The following REEP5 variants were observed in gnomAD, a reference collection of about 807,000 sequenced individuals.
REEP5 encodes receptor accessory protein 5.
REEP5 carries 24 observed loss-of-function variants against 22.4 expected under a neutral mutation model. The ratio of observed to expected loss-of-function variants is 1.07; its 90% CI spans 0.78 to 1.51. REEP5 has a LOEUF of 1.51. REEP5 is among the 40% of genes most tolerant of loss of function. The probability of loss-of-function intolerance (pLI) is 0.00; values close to 1 mark genes in which losing one functional copy is unlikely to be tolerated. For synonymous variants in REEP5, 103 were observed against 88.6 expected, an observed-to-expected ratio of 1.16 and a Z score of -0.92; for missense variants, 252 against 233.0, an observed-to-expected ratio of 1.08 and a Z score of -0.53.
At chr5:112,892,866 G>C (rs1354030693) in intron 3 of REEP5, 2 of 1,613,190 alleles carry the variant, frequency 1.2e-6, no homozygotes, top group Admixed American at 1.7e-5. Flanking sequence ...GTCATAGGGG[G>C]AAGAAATCTC....
intron 2 of REEP5, among the ~76,000 whole-genome samples, chr5:112,909,356 CTT>C (rs151317009): frequency 0.013 from 2,042 of 151,274 alleles, 15 homozygotes; most frequent in Middle Eastern, 0.037. Flanking sequence ...ACAGTAATAA[CTT>C]ATTATTATAG....
At chr5:112,894,489 C>T (rs1000792796) in intron 3 of REEP5, 2 of 152,126 alleles carry the variant, frequency 1.3e-5, no homozygotes, top group Admixed American at 1.3e-4. Flanking sequence ...AGCTATACAT[C>T]CCCAAAATGC....
intron 4 of REEP5, chr5:112,885,511 G>C (rs1267811293): frequency 1.4e-5 from 3 of 216,372 alleles, no homozygotes; most frequent in Non-Finnish European, 2.9e-5. Context: ...GCAGATGAGG[G>C]TAGAAGTTAG....
chr5:112,903,630 T>C (rs553698781), intron 2 of REEP5, among the ~76,000 whole-genome samples: 5 of 152,230 alleles, frequency 3.3e-5, no homozygotes, highest in African/African-American at 1.2e-4. Context: ...TAACATCAGC[T>C]CCCCAAAGAG....
At chr5:112,881,624 T>A (rs748303468) in intron 4 of REEP5, among the ~76,000 whole-genome samples, 1 of 152,200 alleles carries the variant, frequency 6.6e-6, no homozygotes, top group Non-Finnish European at 1.5e-5. Flanking sequence ...TTGTTCTTCA[T>A]TGCCACTTTC....
Position 112,878,247 on chromosome 5 carries a change from T to C in REEP5, c.*539A>G, listed in dbSNP as rs529497921. 1 of 153,128 alleles carries C rather than the reference T, an allele frequency of 6.5e-6. No individual in the cohort carries two copies. The highest frequency in any genetic ancestry group is 2.1e-4 in the South Asian group (1 of 4,844). The allele number at this position is 153,128 out of a possible 1,614,324, so 9.5% of individuals were successfully genotyped here. ...TCCAGCTTTTGGCAGGTGGTCTTAC[T>C]GTACAGAAGTTATAAATGACACATA... On this transcript the variant is annotated 3_prime_UTR_variant, in exon 5 of 5. Coordinates refer to ENST00000379638, the MANE Select transcript of REEP5 (RefSeq NM_005669.5).
chr5:112,909,806 C>G (rs17135165), intron 2 of REEP5, among the ~76,000 whole-genome samples: 2,156 of 152,196 alleles, frequency 0.014, 55 homozygotes, highest in African/African-American at 0.05. Flanking sequence ...AGGCAAGAAC[C>G]AAGGATGGCC....
intron 2 of REEP5, among the ~76,000 whole-genome samples, chr5:112,917,658 G>A (rs918297037): frequency 6.6e-6 from 1 of 152,184 alleles, no homozygotes; most frequent in Non-Finnish European, 1.5e-5. Context: ...TGCACCAGGA[G>A]GACTTACTCA....
chr5:112,882,487 C>T (rs1265016401), intron 4 of REEP5, among the ~76,000 whole-genome samples: 1 of 152,222 alleles, frequency 6.6e-6, no homozygotes, highest in Non-Finnish European at 1.5e-5. Context: ...CACAACTCTC[C>T]ACCTACTCTG....
chr5:112,921,149 G>A lies in REEP5; in HGVS notation c.212+14C>T. 1 of 1,612,888 alleles carries A rather than the reference G, an allele frequency of 6.2e-7. No individual in the cohort carries two copies. Among genetic ancestry groups the A allele is most frequent in the Middle Eastern group, 1.6e-4 (1 of 6,062 alleles). On this transcript the variant is annotated intron_variant, in intron 2 of 4. Coordinates refer to ENST00000379638, the MANE Select transcript of REEP5 (RefSeq NM_005669.5). ...GAGGAAGGGAAGGGGACGGCTGCAGGGTGTGTCACTTACGAGATGTAGGCT... is the reference window on the plus strand; with the variant it reads ...GAGGAAGGGAAGGGGACGGCTGCAGAGTGTGTCACTTACGAGATGTAGGCT...
At chr5:112,885,880 G>T in intron 4 of REEP5, 1 of 194,104 alleles carries the variant, frequency 5.2e-6, no homozygotes. Flanking sequence ...TCTCAGTGAA[G>T]GAAGACTTTG....
At chr5:112,918,259 GA>G (rs1769273694) in intron 2 of REEP5, among the ~76,000 whole-genome samples, 1 of 152,180 alleles carries the variant, frequency 6.6e-6, no homozygotes, top group South Asian at 2.1e-4. Context: ...CCAGTAGGAA[GA>G]GGGGTATACA....
At chr5:112,892,658 C>T in intron 3 of REEP5, 1 of 1,613,898 alleles carries the variant, frequency 6.2e-7, no homozygotes, top group Non-Finnish European at 8.5e-7. Context: ...TTCAGAAATC[C>T]CAACAATGAA....
intron 2 of REEP5, among the ~76,000 whole-genome samples, chr5:112,912,593 T>C (rs949018636): frequency 2.0e-5 from 3 of 152,200 alleles, no homozygotes; most frequent in Non-Finnish European, 4.4e-5. Flanking sequence ...TTATGTTTAA[T>C]AGCAAATATT....
At chr5:112,904,411 G>C (rs1316249100) in intron 2 of REEP5, among the ~76,000 whole-genome samples, 3 of 152,082 alleles carry the variant, frequency 2.0e-5, no homozygotes, top group Non-Finnish European at 2.9e-5. Flanking sequence ...ATAAAAATTT[G>C]TTTCCTGTAC....
At chr5:112,891,527 A>G (rs1768447152) in intron 3 of REEP5, 2 of 1,444,088 alleles carry the variant, frequency 1.4e-6, no homozygotes, top group Non-Finnish European at 1.9e-6. Context: ...AAACAATACT[A>G]GAAAACATAA....
At chr5:112,886,880 TA>T in intron 4 of REEP5, 134 bp downstream of exon 4, 2 of 605,520 alleles carry the variant, frequency 3.3e-6, no homozygotes, top group Non-Finnish European at 5.6e-6. Flanking sequence ...AAAGACTTTG[TA>T]AAGAAATCCC....
At position 112,921,143 on chromosome 5, in the gene REEP5, C is replaced by T; in HGVS notation, c.212+20G>A. ...GGAATGGAGGAAGGGAAGGGGACGG[C>T]TGCAGGGTGTGTCACTTACGAGATG... is the stretch of plus-strand genomic sequence containing the variant. On this transcript the variant is annotated intron_variant, in intron 2 of 4. Transcript: ENST00000379638. The T allele has an allele frequency of 3.1e-6, 5 of 1,612,090 alleles. No homozygotes were observed. The highest frequency in any genetic ancestry group is 4.2e-6 in the Non-Finnish European group (5 of 1,178,390).
At chr5:112,913,337 A>C (rs1209383783) in intron 2 of REEP5, among the ~76,000 whole-genome samples, 1 of 149,922 alleles carries the variant, frequency 6.7e-6, no homozygotes. Flanking sequence ...ACAGAAAGGA[A>C]AAGAAAGAAA....
Sources: gnomAD v4.1 joint callset for allele counts (sites outside exome capture counted in the v4.1 genomes callset) on GRCh38, gnomAD v4.1.1 for gene constraint, MANE v1.5 for transcripts, NCBI Gene and HGNC (gene_info 2026-07-23, HGNC 2026-07-21) for gene names.